AFF3: variants seen among roughly 807,000 people sequenced by gnomAD.
AFF3 encodes the protein ALF transcription elongation factor 3, also known as AF4/FMR2 family member 3.
AFF3 carries 32 observed loss-of-function variants against 129.7 expected under a neutral mutation model. The observed-to-expected ratio is 0.25, with a 90% confidence interval of 0.19 to 0.33. AFF3 has a LOEUF of 0.33. Ranked by LOEUF, AFF3 falls within the 10% of genes least tolerant of loss-of-function variation. The pLI is 1.00. For synonymous variants in AFF3, 644 were observed against 635.4 expected (o/e 1.01, Z -0.20); for missense variants, 1,373 against 1,592.0 (o/e 0.86, Z 2.34).
intron 13 of AFF3, 75 bp downstream of exon 13, chr2:99,649,551 G>T: frequency 1.3e-6 from 2 of 1,494,310 alleles, no homozygotes; most frequent in South Asian, 1.2e-5. Flanking sequence ...ATCCGATTAT[G>T]AATTATATGC....
chr2:99,703,264 A>G (rs1677045703), intron 11 of AFF3, among the ~76,000 whole-genome samples: 1 of 152,162 alleles, frequency 6.6e-6, no homozygotes, highest in African/African-American at 2.4e-5. Flanking sequence ...CTTCAAAGCC[A>G]GCAGCATTTC....
chr2:99,784,256 T>G, intron 8 of AFF3, among the ~76,000 whole-genome samples: 1 of 152,174 alleles, frequency 6.6e-6, no homozygotes. Context: ...GAAACAAGAT[T>G]TGGGTGAGTC....
Position 99,919,275 on chromosome 2 carries a change from T to C in AFF3, c.874-81751A>G, listed in dbSNP as rs143918647. Among the ~76,000 whole-genome samples, 594 of 152,306 alleles carry C rather than the reference T, an allele frequency of 3.9e-3. 4 individuals carry two copies. The highest frequency in any genetic ancestry group is 0.014 in the African/African-American group (562 of 41,584). On this transcript the variant is annotated intron_variant, in intron 7 of 24. Coordinates refer to ENST00000672756, the MANE Select transcript of AFF3 (RefSeq NM_001386135.1). ...ATATTTCCCACATCAATGCCCACGGTTGAACACATCAATTAAAACTAGATA... is the reference window on the plus strand; with the variant it reads ...ATATTTCCCACATCAATGCCCACGGCTGAACACATCAATTAAAACTAGATA...
At chr2:99,690,031 G>A (rs1298082084) in intron 11 of AFF3, among the ~76,000 whole-genome samples, 1 of 146,728 alleles carries the variant, frequency 6.8e-6, no homozygotes, top group Non-Finnish European at 1.5e-5. Context: ...AGGTTGCAGT[G>A]AGCCGAGATC....
At chr2:99,692,938 C>G (rs1173435554) in intron 11 of AFF3, among the ~76,000 whole-genome samples, 2 of 152,208 alleles carry the variant, frequency 1.3e-5, no homozygotes, top group African/African-American at 4.8e-5. Context: ...GAACAGGTAC[C>G]TCTATCACAG....
chr2:99,781,740 G>A (rs776233120), intron 8 of AFF3, among the ~76,000 whole-genome samples: 10 of 152,136 alleles, frequency 6.6e-5, no homozygotes, highest in Non-Finnish European at 1.2e-4. Flanking sequence ...ACATTTGCTC[G>A]ATGAATAAAT....
intron 15 of AFF3, among the ~76,000 whole-genome samples, chr2:99,589,430 T>C (rs1355837359): frequency 8.4e-6 from 1 of 119,338 alleles, no homozygotes; most frequent in Non-Finnish European, 1.6e-5. Flanking sequence ...TGAGACAGAG[T>C]CTCACTCTAT....
intron 7 of AFF3, among the ~76,000 whole-genome samples, chr2:99,990,679 G>C (rs936878281): frequency 2.0e-5 from 3 of 152,076 alleles, no homozygotes; most frequent in African/African-American, 7.2e-5. Flanking sequence ...TGAATCAGTG[G>C]ACACTCAGAA....
rs754696123 is a variant in AFF3, at chr2:100,018,012, A to ATG, written c.54-9082_54-9081dup. On this transcript the variant is annotated intron_variant, in intron 4 of 24. Coordinates refer to ENST00000672756, the MANE Select transcript of AFF3 (RefSeq NM_001386135.1). ...GATCTGCTATGCCTCCTTGGTTGAT[A>ATG]TGTGTGTGTGTGTGTGTGTGTATAT... 3.6e-3 allele frequency among the ~76,000 whole-genome samples: 531 copies of ATG among 148,186 alleles called. 1 individual carries two copies. Among genetic ancestry groups the ATG allele is most frequent in the South Asian group, 0.011 (48 of 4,570 alleles).
intron 4 of AFF3, among the ~76,000 whole-genome samples, chr2:100,028,388 A>G (rs1684221632): frequency 6.6e-6 from 1 of 152,180 alleles, no homozygotes; most frequent in African/African-American, 2.4e-5. Context: ...GGCAAACTAG[A>G]AGAAACCTAA....
chr2:100,044,613 G>A lies in AFF3; in HGVS notation c.54-35681C>T, dbSNP rs918719857. On this transcript the variant is annotated intron_variant, in intron 4 of 24. Transcript: ENST00000672756. ...GCATACTCTCTCACTTTTTTCCTTCGTGGGCTAGACAGATGCTTGCTGGTT... is the reference window on the plus strand; with the variant it reads ...GCATACTCTCTCACTTTTTTCCTTCATGGGCTAGACAGATGCTTGCTGGTT... Among the ~76,000 whole-genome samples, 4 of 151,702 alleles carry A rather than the reference G, an allele frequency of 2.6e-5. No homozygotes were observed. In the East Asian group the frequency reaches 5.8e-4, roughly 22 times the overall value.
intron 1 of AFF3, among the ~76,000 whole-genome samples, chr2:100,129,837 A>G (rs1692350153): frequency 6.6e-6 from 1 of 152,190 alleles, no homozygotes; most frequent in African/African-American, 2.4e-5. Flanking sequence ...CTCAGAGAGA[A>G]AAGTAATTTG....
At chr2:100,029,511 A>G (rs1684313248) in intron 4 of AFF3, among the ~76,000 whole-genome samples, 1 of 152,150 alleles carries the variant, frequency 6.6e-6, no homozygotes, top group African/African-American at 2.4e-5. Context: ...TAACGCATAC[A>G]ACACGGATGG....
rs1026968362 is a variant in AFF3 at position 99,554,214 on chromosome 2, C to G, written c.3559+97G>C. 26 of 1,295,206 alleles carry G rather than the reference C, an allele frequency of 2.0e-5. No homozygotes were observed. In the African/African-American group the frequency reaches 3.2e-4, roughly 16 times the overall value. 80.2% of individuals were successfully genotyped at this position (1,295,206 alleles called of 1,614,324 possible). On this transcript the variant is annotated intron_variant, in intron 24 of 24. Transcript: ENST00000672756. ...TGTCAAATGAAGAAAGGATATACAACTGTGTGAGTATCCCAGCTACTCAGG... is the reference window on the plus strand; with the variant it reads ...TGTCAAATGAAGAAAGGATATACAAGTGTGTGAGTATCCCAGCTACTCAGG...
At chr2:99,749,465 A>T (rs1681448052) in intron 9 of AFF3, among the ~76,000 whole-genome samples, 1 of 152,224 alleles carries the variant, frequency 6.6e-6, no homozygotes, top group South Asian at 2.1e-4. Flanking sequence ...CAGTTATATC[A>T]AAAGTTGTAC....
In AFF3 at chr2:100,007,193, A is replaced by G. The variant is rs1175339739; in HGVS notation, c.442T>C (p.Trp148Arg). 1.2e-6 allele frequency: 2 copies of G among 1,614,040 alleles called. No individual in the cohort carries two copies. The highest frequency in any genetic ancestry group is 1.7e-6 in the Non-Finnish European group (2 of 1,180,046). The change falls in exon 6 of 25, where the codon TGG (tryptophan) becomes CGG (arginine). Residue 148 changes from tryptophan to arginine, a missense_variant. Coordinates refer to ENST00000672756, the MANE Select transcript of AFF3 (RefSeq NM_001386135.1). ...GAGGGTGGGTGCCCAGCCTTCTGCC[A>G]GCCCATAGTGCCTCTCTTACTCTGC... ...VQQSKRGTMG[W>R]QKAGHPPSDG...
intron 4 of AFF3, among the ~76,000 whole-genome samples, chr2:100,053,291 G>A (rs1049542563): frequency 3.9e-5 from 6 of 152,238 alleles, no homozygotes; most frequent in East Asian, 1.9e-4. Flanking sequence ...GACAGTACCC[G>A]AGAGTTGACT....
intron 4 of AFF3, among the ~76,000 whole-genome samples, chr2:100,009,728 A>G (rs1034478738): frequency 6.6e-6 from 1 of 152,174 alleles, no homozygotes; most frequent in Non-Finnish European, 1.5e-5. Context: ...CCTTCCCCCT[A>G]ATAAGGAGAA....
At chr2:100,128,446 T>A (rs1023662835) in intron 2 of AFF3, among the ~76,000 whole-genome samples, 55 of 152,234 alleles carry the variant, frequency 3.6e-4, no homozygotes, top group African/African-American at 1.3e-3. Context: ...GGCCTCTGAT[T>A]TTTTCTGTGG....
Sources: allele counts gnomAD v4.1 joint callset (sites outside exome capture counted in the v4.1 genomes callset), GRCh38; gene constraint gnomAD v4.1.1; transcripts MANE v1.5; gene names NCBI Gene and HGNC (gene_info 2026-07-23, HGNC 2026-07-21).